MSRB3: variants seen among roughly 807,000 people sequenced by gnomAD.
MSRB3 encodes methionine-R-sulfoxide reductase B3.
In MSRB3, 13 loss-of-function variants were observed where a neutral mutation model predicts 21.0. The observed-to-expected ratio is 0.62, with a 90% confidence interval of 0.40 to 0.98. The LOEUF (loss-of-function observed/expected upper bound fraction) is 0.98. Among genes scored for constraint, MSRB3 ranks in the 50% least tolerant of loss-of-function variants. The pLI is 0.00. For missense variants in MSRB3, 199 were observed against 230.3 expected (o/e 0.86, Z 0.88); for synonymous variants, 87 against 88.6 (o/e 0.98, Z 0.10).
chr12:65,400,675 C>T (rs562264499), intron 5 of MSRB3, among the ~76,000 whole-genome samples: 15 of 152,146 alleles, frequency 9.9e-5, no homozygotes, highest in African/African-American at 3.6e-4. Context: ...TTTGCTCTTG[C>T]TTCTCTGGTT....
At chr12:65,325,143 T>G (rs1874932004) in intron 2 of MSRB3, among the ~76,000 whole-genome samples, 1 of 152,206 alleles carries the variant, frequency 6.6e-6, no homozygotes, top group South Asian at 2.1e-4. Flanking sequence ...GTTGACTGAT[T>G]ATTTAAGAAA....
chr12:65,326,615 G>T (rs1258725045), intron 2 of MSRB3, among the ~76,000 whole-genome samples: 2 of 152,162 alleles, frequency 1.3e-5, no homozygotes, highest in Admixed American at 6.5e-5. Flanking sequence ...TATTGTCACT[G>T]CTCCAGTGGA....
chr12:65,294,821 G>GT (rs1004168668), intron 1 of MSRB3, among the ~76,000 whole-genome samples: 9 of 151,916 alleles, frequency 5.9e-5, no homozygotes, highest in South Asian at 4.1e-4. Flanking sequence ...GTTTCTGTGG[G>GT]TTTTTTTGTT....
intron 2 of MSRB3, among the ~76,000 whole-genome samples, chr12:65,311,649 T>C (rs1448884440): frequency 6.6e-6 from 1 of 151,972 alleles, no homozygotes; most frequent in Non-Finnish European, 1.5e-5. Flanking sequence ...GAAGTGAAGG[T>C]GAAAGTTTGA....
Position 65,278,743 on chromosome 12 carries a change from A to G in MSRB3, c.-174A>G, listed in dbSNP as rs763817429. On this transcript the variant is annotated 5_prime_UTR_variant, in exon 1 of 7. Transcript: ENST00000308259. ...GGGAGGGAGGGAGCGAGGTTCGGAC[A>G]CCGGCGGCGGCTGCCTGGCCTTTCC... The G allele has an allele frequency of 1.3e-5, 21 of 1,569,086 alleles. 1 individual carries two copies. The highest frequency in any genetic ancestry group is 1.7e-5 in the Non-Finnish European group (20 of 1,159,224).
At chr12:65,291,112 TCTCA>T (rs1872640595) in intron 1 of MSRB3, among the ~76,000 whole-genome samples, 1 of 151,672 alleles carries the variant, frequency 6.6e-6, no homozygotes, top group South Asian at 2.1e-4. Context: ...TGCGATGGAG[TCTCA>T]CTCTTGTCAC....
chr12:65,328,741 C>G, intron 4 of MSRB3, 138 bp downstream of exon 4: 1 of 697,500 alleles, frequency 1.4e-6, no homozygotes, highest in Non-Finnish European at 2.6e-6. Context: ...CCCAACAAAA[C>G]AAAAGTAATT....
At chr12:65,280,162 G>T (rs190321438) in intron 1 of MSRB3, among the ~76,000 whole-genome samples, 1 of 152,272 alleles carries the variant, frequency 6.6e-6, no homozygotes, top group Admixed American at 6.5e-5. Flanking sequence ...TGTCAGTTCA[G>T]ATTAATGGCA....
chr12:65,353,367 T>C (rs1243163300), intron 4 of MSRB3, among the ~76,000 whole-genome samples: 2 of 152,156 alleles, frequency 1.3e-5, no homozygotes, highest in Non-Finnish European at 2.9e-5. Flanking sequence ...TCTAAGTCTC[T>C]TTGTAGGTCT....
chr12:65,340,874 G>A (rs1350049755), intron 4 of MSRB3, among the ~76,000 whole-genome samples: 1 of 152,002 alleles, frequency 6.6e-6, no homozygotes, highest in Non-Finnish European at 1.5e-5. Context: ...TACAAAATTT[G>A]ACTCAGGAAG....
intron 5 of MSRB3, among the ~76,000 whole-genome samples, chr12:65,432,422 G>T (rs1464266584): frequency 6.6e-6 from 1 of 151,942 alleles, no homozygotes; most frequent in Non-Finnish European, 1.5e-5. Flanking sequence ...AAAGCTTGAT[G>T]GTTCCACAAA....
chr12:65,333,300 T>A (rs927290062), intron 4 of MSRB3, among the ~76,000 whole-genome samples: 1 of 152,222 alleles, frequency 6.6e-6, no homozygotes, highest in Non-Finnish European at 1.5e-5. Context: ...TCTCTCTGAA[T>A]GTGCCTGTTT....
chr12:65,366,920 C>T (rs1878046084), intron 4 of MSRB3, among the ~76,000 whole-genome samples: 1 of 152,076 alleles, frequency 6.6e-6, no homozygotes, highest in Non-Finnish European at 1.5e-5. Context: ...AACAGTGTTT[C>T]AGGTGGCCTG....
intron 5 of MSRB3, 56 bp from the exon 6 acceptor site, chr12:65,453,672 C>A: frequency 7.7e-7 from 1 of 1,292,354 alleles, no homozygotes; most frequent in Non-Finnish European, 1.1e-6. Flanking sequence ...TGCATTCTAA[C>A]CCAAGGCTGT....
chr12:65,413,799 GT>G (rs1880835444), intron 5 of MSRB3, among the ~76,000 whole-genome samples: 1 of 152,102 alleles, frequency 6.6e-6, no homozygotes, highest in Non-Finnish European at 1.5e-5. Context: ...ACCCAGCAGA[GT>G]AAGGGGGATT....
At position 65,318,691 on chromosome 12, in the gene MSRB3, C is replaced by T. The variant is rs182319360; in HGVS notation, c.77-8135C>T. The stretch of plus-strand genomic sequence containing the variant: ...TTTAAAAATTCTCTTCTTATTTATA[C>T]GCCTTGCAAGCAAGAAAATGCTCTT... On this transcript the variant is annotated intron_variant, in intron 2 of 6. Coordinates refer to ENST00000308259, the MANE Select transcript of MSRB3 (RefSeq NM_001031679.3). Among the ~76,000 whole-genome samples the T allele has an allele frequency of 2.1e-3, 327 of 152,278 alleles. 1 individual carries two copies. The highest frequency in any genetic ancestry group is 3.5e-3 in the Non-Finnish European group (236 of 68,026).
chr12:65,301,144 A>G (rs1409126073), intron 1 of MSRB3, among the ~76,000 whole-genome samples: 5 of 152,232 alleles, frequency 3.3e-5, no homozygotes, highest in African/African-American at 1.2e-4. Context: ...CAGGTGCTCA[A>G]AAATGATTAT....
chr12:65,398,584 T>G (rs909264604), intron 5 of MSRB3, among the ~76,000 whole-genome samples: 2 of 152,216 alleles, frequency 1.3e-5, no homozygotes, highest in Admixed American at 6.5e-5. Flanking sequence ...GATGGTTTCT[T>G]TTACTGTGCA....
intron 5 of MSRB3, among the ~76,000 whole-genome samples, chr12:65,405,701 C>G (rs550501846): frequency 6.6e-6 from 1 of 152,118 alleles, no homozygotes; most frequent in African/African-American, 2.4e-5. Flanking sequence ...TTCCCACCAA[C>G]AGTGTACCGT....
Sources: allele counts gnomAD v4.1 joint callset (sites outside exome capture counted in the v4.1 genomes callset), GRCh38; gene constraint gnomAD v4.1.1; transcripts MANE v1.5; gene names NCBI Gene and HGNC (gene_info 2026-07-23, HGNC 2026-07-21).